Variants in SEMA3C observed in about 807,000 individuals in gnomAD.
SEMA3C encodes semaphorin-3C.
In SEMA3C, 47 loss-of-function variants were observed where a neutral mutation model predicts 89.4. The observed-to-expected ratio is 0.53, with a 90% CI of 0.42 to 0.67. The LOEUF is 0.67. SEMA3C is among the 30% of genes least tolerant of loss of function. The probability of loss-of-function intolerance (pLI) is 0.00; values close to 1 mark genes in which losing one functional copy is unlikely to be tolerated. For missense variants in SEMA3C, 839 were observed against 929.1 expected (o/e 0.90, Z 1.26); for synonymous variants, 310 against 320.2 (o/e 0.97, Z 0.34).
intron 11 of SEMA3C, among the ~76,000 whole-genome samples, 185 bp downstream of exon 11, chr7:80,797,907 A>G (rs1175142485): frequency 6.6e-6 from 1 of 152,166 alleles, no homozygotes; most frequent in Non-Finnish European, 1.5e-5. Flanking sequence ...CTGAGGCAGG[A>G]GAATCGCTTG....
chr7:80,906,894 C>T lies in SEMA3C; in HGVS notation c.103+9785G>A, dbSNP rs573221298. Among the ~76,000 whole-genome samples, 104 of 152,212 alleles carry T rather than the reference C, an allele frequency of 6.8e-4. 1 individual carries two copies. The highest frequency in any genetic ancestry group is 2.3e-3 in the African/African-American group (96 of 41,530). On this transcript the variant is annotated intron_variant, in intron 2 of 17. Coordinates refer to ENST00000265361, the MANE Select transcript of SEMA3C (RefSeq NM_006379.5). ...TTTTTCTTCCACAAAGTAAAGCTTA[C>T]TGAATGCTTTTTCTTCTATCATAGA...
intron 13 of SEMA3C, 144 bp from the exon 14 acceptor site, chr7:80,761,801 T>TAC: frequency 1.9e-6 from 1 of 518,646 alleles, no homozygotes; most frequent in South Asian, 2.2e-5. Flanking sequence ...TTATATAAAA[T>TAC]ACATTTGCAT....
intron 11 of SEMA3C, among the ~76,000 whole-genome samples, chr7:80,790,630 T>C (rs1261152486): frequency 6.6e-6 from 1 of 152,154 alleles, no homozygotes; most frequent in Non-Finnish European, 1.5e-5. Flanking sequence ...GAACACCCCA[T>C]TTCTGTTACC....
At chr7:80,828,916 A>C (rs1419044264) in intron 2 of SEMA3C, among the ~76,000 whole-genome samples, 171 bp from the exon 3 acceptor site, 1 of 152,158 alleles carries the variant, frequency 6.6e-6, no homozygotes, top group African/African-American at 2.4e-5. Flanking sequence ...TAATCTCAGC[A>C]CTTTGGGAGG....
chr7:80,919,293 A>T (rs1185456100), upstream of SEMA3C: 2 of 983,920 alleles, frequency 2.0e-6, no homozygotes, highest in South Asian at 9.4e-5. Context: ...GGCCAGACGC[A>T]AGAATGCGCG....
intron 10 of SEMA3C, among the ~76,000 whole-genome samples, chr7:80,799,581 G>A (rs1053637638): frequency 5.9e-5 from 9 of 152,156 alleles, no homozygotes; most frequent in African/African-American, 9.7e-5. Context: ...GGTGGCTCAT[G>A]CCTGTAATCC....
intron 2 of SEMA3C, among the ~76,000 whole-genome samples, chr7:80,835,329 G>A (rs1237312629): frequency 6.6e-6 from 1 of 152,106 alleles, no homozygotes; most frequent in African/African-American, 2.4e-5. Flanking sequence ...CTAACATTCT[G>A]TTATTCTGTT....
intron 5 of SEMA3C, among the ~76,000 whole-genome samples, chr7:80,813,516 CA>C (rs938958372): frequency 3.3e-5 from 5 of 152,316 alleles, no homozygotes; most frequent in Admixed American, 2.0e-4. Flanking sequence ...TTCAACTCCT[CA>C]CTACTAAACA....
At chr7:80,818,220 A>C in intron 5 of SEMA3C, 79 bp downstream of exon 5, 1 of 1,342,454 alleles carries the variant, frequency 7.4e-7, no homozygotes, top group East Asian at 2.4e-5. Context: ...TGATATGTCC[A>C]AGTTTTTACT....
upstream of SEMA3C, chr7:80,922,256 T>A (rs915711138): frequency 7.8e-7 from 1 of 1,288,588 alleles, no homozygotes; most frequent in African/African-American, 1.5e-5. Flanking sequence ...TTTCAATACT[T>A]CCTCTTACCT....
chr7:80,815,137 T>C (rs1789569008), intron 5 of SEMA3C, among the ~76,000 whole-genome samples: 1 of 152,188 alleles, frequency 6.6e-6, no homozygotes, highest in African/African-American at 2.4e-5. Context: ...TGAATATTTC[T>C]GGATTGAACA....
At chr7:80,865,943 TAAC>T (rs1790916902) in intron 2 of SEMA3C, among the ~76,000 whole-genome samples, 1 of 152,180 alleles carries the variant, frequency 6.6e-6, no homozygotes, top group Non-Finnish European at 1.5e-5. Context: ...ACATTATAGT[TAAC>T]AACAGTAAAT....
chr7:80,745,348 A>G (rs901451318), intron 17 of SEMA3C, 41 bp from the exon 18 acceptor site: 3 of 1,564,308 alleles, frequency 1.9e-6, no homozygotes, highest in African/African-American at 2.7e-5. Flanking sequence ...ACTGAACATT[A>G]TATTTCCTTA....
At chr7:80,803,991 A>T in intron 8 of SEMA3C, 115 bp downstream of exon 8, 2 of 905,492 alleles carry the variant, frequency 2.2e-6, no homozygotes, top group Non-Finnish European at 3.2e-6. Flanking sequence ...ATGTTACATT[A>T]AATGCTTCCC....
intron 2 of SEMA3C, among the ~76,000 whole-genome samples, chr7:80,873,316 T>A (rs1356421618): frequency 6.6e-6 from 1 of 152,198 alleles, no homozygotes; most frequent in Admixed American, 6.5e-5. Flanking sequence ...TAGTGGCCTG[T>A]GGTTCTAATC....
intron 2 of SEMA3C, among the ~76,000 whole-genome samples, chr7:80,844,327 A>G (rs1009912128): frequency 2.0e-5 from 3 of 152,202 alleles, no homozygotes; most frequent in African/African-American, 7.2e-5. Flanking sequence ...ATTACTAATG[A>G]TTATATTGAA....
intron 2 of SEMA3C, among the ~76,000 whole-genome samples, chr7:80,893,115 T>C (rs542702169): frequency 1.3e-5 from 2 of 152,298 alleles, no homozygotes; most frequent in East Asian, 3.9e-4. Context: ...TTTTTAGTTA[T>C]ATTTATCCCT....
intron 2 of SEMA3C, among the ~76,000 whole-genome samples, chr7:80,849,065 A>C (rs115863115): frequency 2.2e-3 from 340 of 152,286 alleles, no homozygotes; most frequent in African/African-American, 7.6e-3. Context: ...CTTTTAATCC[A>C]GCTTTTGAAT....
chr7:80,771,084 T>G (rs149811912), intron 12 of SEMA3C, among the ~76,000 whole-genome samples: 314 of 152,348 alleles, frequency 2.1e-3, no homozygotes, highest in Admixed American at 3.6e-3. Context: ...GTGGTCACTT[T>G]CAGTTGAAAG....
Sources: gnomAD v4.1 joint callset for allele counts (sites outside exome capture counted in the v4.1 genomes callset) on GRCh38, gnomAD v4.1.1 for gene constraint, MANE v1.5 for transcripts, NCBI Gene and HGNC (gene_info 2026-07-23, HGNC 2026-07-21) for gene names.